LY75: variants seen among roughly 807,000 people sequenced by gnomAD.
The protein encoded by LY75 is C-type lectin domain family 13 member B.
A neutral mutation model predicts 231.7 loss-of-function variants in LY75; 185 were observed. The observed-to-expected ratio is 0.80, with a 90% CI of 0.71 to 0.90. The LOEUF (loss-of-function observed/expected upper bound fraction) is 0.90. LY75 is among the 40% of genes least tolerant of loss of function. The pLI is 0.00. For synonymous variants in LY75, 668 were observed against 689.0 expected, an observed-to-expected ratio of 0.97 and a Z score of 0.48; for missense variants, 1,947 against 2,050.2, an observed-to-expected ratio of 0.95 and a Z score of 0.97.
At chr2:159,831,579 T>C in intron 28 of LY75, 91 bp downstream of exon 28, 1 of 1,363,378 alleles carries the variant, frequency 7.3e-7, no homozygotes, top group South Asian at 1.3e-5. Context: ...CACGTATTGA[T>C]AGACATGTAC....
At chr2:159,854,657 G>A in intron 17 of LY75, 122 bp from the exon 18 acceptor site, 1 of 1,260,810 alleles carries the variant, frequency 7.9e-7, no homozygotes, top group Non-Finnish European at 1.1e-6. Context: ...CTCTGGCTGG[G>A]GCAGTACTGA....
At chr2:159,824,923 C>G (rs1426665349) in intron 28 of LY75, among the ~76,000 whole-genome samples, 2 of 152,092 alleles carry the variant, frequency 1.3e-5, no homozygotes, top group African/African-American at 4.8e-5. Context: ...AACAAAGACA[C>G]AACATATCAG....
chr2:159,837,068 C>T (rs1292544386), intron 25 of LY75, among the ~76,000 whole-genome samples: 4 of 152,130 alleles, frequency 2.6e-5, no homozygotes, highest in African/African-American at 4.8e-5. Context: ...TCAGCCCCTG[C>T]GGAAAGTAGT....
intron 17 of LY75, 162 bp from the exon 18 acceptor site, chr2:159,854,697 T>A: frequency 1.5e-6 from 1 of 664,424 alleles, no homozygotes; most frequent in Non-Finnish European, 1.9e-6. Context: ...CCTGAGCCAG[T>A]GACTCTGCCA....
At chr2:159,885,730 T>G (rs1373498354) in intron 5 of LY75, among the ~76,000 whole-genome samples, 1 of 152,202 alleles carries the variant, frequency 6.6e-6, no homozygotes, top group Non-Finnish European at 1.5e-5. Context: ...GGTAAGGAAA[T>G]TTAGCAAACT....
rs191695459 is a variant in LY75 at position 159,832,461 on chromosome 2, C to T, written c.3842-675G>A. Among the ~76,000 whole-genome samples the T allele has an allele frequency of 1.0e-3, 157 of 152,320 alleles. 1 individual carries two copies. The highest frequency in any genetic ancestry group is 3.4e-3 in the Middle Eastern group (1 of 294). On this transcript the variant is annotated intron_variant, in intron 27 of 34. Coordinates refer to ENST00000263636, the MANE Select transcript of LY75 (RefSeq NM_002349.4). ...TCATCCTGAAACCATCCACCCCTCC[C>T]TGTCAGTGCCAAAAAGGTTGGGGAC...
At position 159,807,007 on chromosome 2, in the gene LY75, A is replaced by G. The variant is rs769506713; in HGVS notation, c.4956T>C (p.His1652=). The change falls in exon 34 of 35, where the codon CAT becomes CAC. Residue 1652 remains histidine, a synonymous_variant. Coordinates refer to ENST00000263636, the MANE Select transcript of LY75 (RefSeq NM_002349.4). Reference sequence around the variant, plus strand: ...CTTTGCAGACAACTCTTCCAAAACCATGTTCACATTCAACTTTTTTCCAAG... The same window carrying G: ...CTTTGCAGACAACTCTTCCAAAACCGTGTTCACATTCAACTTTTTTCCAAG... ...NETWKKVECE[H]GFGRVVCKVP... 4 of 1,613,908 alleles carry G rather than the reference A, an allele frequency of 2.5e-6. No homozygotes were observed. Among genetic ancestry groups the G allele is most frequent in the Non-Finnish European group, 3.4e-6 (4 of 1,179,888 alleles).
At chr2:159,895,195 C>A (rs1221242560) in intron 2 of LY75, among the ~76,000 whole-genome samples, 1 of 152,166 alleles carries the variant, frequency 6.6e-6, no homozygotes, top group Non-Finnish European at 1.5e-5. Flanking sequence ...AATAAGCAGA[C>A]CTATAGCAAA....
chr2:159,805,717 G>A (rs1203534497), intron 34 of LY75, among the ~76,000 whole-genome samples: 4 of 152,186 alleles, frequency 2.6e-5, no homozygotes, highest in Non-Finnish European at 5.9e-5. Context: ...CTGCCCAGAT[G>A]GATTCGCTCT....
At chr2:159,860,057 G>T (rs1247631469) in intron 15 of LY75, among the ~76,000 whole-genome samples, 2 of 152,142 alleles carry the variant, frequency 1.3e-5, no homozygotes, top group African/African-American at 4.8e-5. Flanking sequence ...GAAGACAATG[G>T]CTATGCTTTG....
intron 28 of LY75, among the ~76,000 whole-genome samples, chr2:159,830,588 CTTT>C (rs35004394): frequency 1.6e-5 from 2 of 129,032 alleles, no homozygotes; most frequent in Non-Finnish European, 3.2e-5. Flanking sequence ...TTTTTCTATT[CTTT>C]TTTTTTTTTT....
chr2:159,817,133 G>A, intron 29 of LY75, 101 bp from the exon 30 acceptor site: 3 of 1,257,868 alleles, frequency 2.4e-6, no homozygotes, highest in Non-Finnish European at 3.2e-6. Flanking sequence ...AATAAAACTG[G>A]GTTTCTTATT....
intron 22 of LY75, 52 bp downstream of exon 22, chr2:159,850,310 C>T (rs928026298): frequency 6.3e-7 from 1 of 1,599,176 alleles, no homozygotes; most frequent in African/African-American, 1.3e-5. Context: ...CCTCCTAAAA[C>T]TAACCTGGCC....
At chr2:159,872,304 C>T in intron 13 of LY75, 147 bp downstream of exon 13, 1 of 999,650 alleles carries the variant, frequency 1.0e-6, no homozygotes, top group Non-Finnish European at 1.4e-6. Context: ...GCTTAATGTT[C>T]CATGACTGCT....
chr2:159,850,698 C>T (rs1684360219), intron 21 of LY75, among the ~76,000 whole-genome samples: 1 of 145,500 alleles, frequency 6.9e-6, no homozygotes, highest in Non-Finnish European at 1.5e-5. Flanking sequence ...GCAATCATAG[C>T]TCACTGTAAC....
Position 159,881,120 on chromosome 2 carries a change from T to A in LY75, c.1367A>T (p.Tyr456Phe), listed in dbSNP as rs1398318017. The change falls in exon 8 of 35, where the codon TAC (tyrosine) becomes TTC (phenylalanine). Residue 456 changes from tyrosine (Y) to phenylalanine (F), a missense_variant. Physicochemically the swap from Tyr to Phe is conservative, Grantham distance 22. Transcript: ENST00000263636. Reference protein sequence around the residue: ...YWDENEPNVPYNKTPNCVSYL... With the variant: ...YWDENEPNVPFNKTPNCVSYL... ...GGAAACACAGTTGGGCGTCTTATTG[T>A]AGGGAACATTTGGCTCATTCTCATC... The A allele has an allele frequency of 1.2e-6, 2 of 1,613,780 alleles. No individual in the cohort carries two copies. Among genetic ancestry groups the A allele is most frequent in the East Asian group, 4.5e-5 (2 of 44,878 alleles).
rs1682926451 is a variant in LY75 at position 159,810,504 on chromosome 2, A to C, written c.4699+22T>G. On this transcript the variant is annotated intron_variant, in intron 32 of 34. Transcript: ENST00000263636. ...TTCTAAAAATTATTGAGTCATAAGA[A>C]AATCAACAAATTTTAACTCACCATG... The C allele has an allele frequency of 1.9e-6, 3 of 1,602,768 alleles. No individual in the cohort carries two copies. The African/African-American group carries it at 4.0e-5, about 22-fold the overall frequency.
intron 17 of LY75, among the ~76,000 whole-genome samples, 164 bp downstream of exon 17, chr2:159,854,740 C>T (rs543135790): frequency 1.3e-5 from 2 of 152,334 alleles, no homozygotes; most frequent in African/African-American, 2.4e-5. Context: ...GAAAAAGTCA[C>T]CCTCATCACC....
Position 159,805,242 on chromosome 2 carries a change from GATGTTGGA to G in LY75, c.4991-28_4991-21del. 1 of 1,595,474 alleles carries G rather than the reference GATGTTGGA, an allele frequency of 6.3e-7. No individual in the cohort carries two copies. Among genetic ancestry groups the G allele is most frequent in the Non-Finnish European group, 8.6e-7 (1 of 1,164,220 alleles). On this transcript the variant is annotated intron_variant, in intron 34 of 34. Coordinates refer to ENST00000263636, the MANE Select transcript of LY75 (RefSeq NM_002349.4). ...CAGGGCCTGGAACAGGAAAAGGTTT[GATGTTGGA>G]GGAGAGAATACAAAAGTGATCATTA...
Sources: gnomAD v4.1 joint callset for allele counts (sites outside exome capture counted in the v4.1 genomes callset) on GRCh38, gnomAD v4.1.1 for gene constraint, MANE v1.5 for transcripts, NCBI Gene and HGNC (gene_info 2026-07-23, HGNC 2026-07-21) for gene names.